The following BICC1 variants were observed in gnomAD, a reference collection of about 807,000 sequenced individuals.
The protein encoded by BICC1 is protein bicaudal C homolog 1.
Under a neutral mutation model 111.0 loss-of-function variants are expected in BICC1, and 43 were observed. The observed-to-expected ratio is 0.39, with a 90% CI of 0.30 to 0.50. The LOEUF (loss-of-function observed/expected upper bound fraction) is 0.50. Among genes scored for constraint, BICC1 ranks in the 20% least tolerant of loss-of-function variants. The pLI, the probability that BICC1 is intolerant of heterozygous loss-of-function variation, is 0.88. For synonymous variants in BICC1, 467 were observed against 434.4 expected (o/e 1.07, Z -0.93); for missense variants, 1,091 against 1,203.2 (o/e 0.91, Z 1.38).
chr10:58,816,745 CTGTGTGTGTGTGTGTGTGTGTGTGTG>C (rs56310772), intron 18 of BICC1, among the ~76,000 whole-genome samples: 5 of 122,162 alleles, frequency 4.1e-5, no homozygotes, highest in Admixed American at 1.6e-4. Context: ...ATCTCCAAGG[CTGTGTGTGTGTGTGTGTGTGTGTGTG>C]TGTGTGTGTG....
At chr10:58,828,243 C>A (rs1844456887) in intron 20 of BICC1, among the ~76,000 whole-genome samples, 1 of 152,138 alleles carries the variant, frequency 6.6e-6, no homozygotes, top group Non-Finnish European at 1.5e-5. Flanking sequence ...CCTCCAATAT[C>A]CCTGTGCTTA....
intron 1 of BICC1, among the ~76,000 whole-genome samples, chr10:58,519,384 C>G (rs889698378): frequency 9.2e-5 from 14 of 152,154 alleles, no homozygotes; most frequent in Non-Finnish European, 5.9e-5. Flanking sequence ...TCCAGCCTCA[C>G]TAGTGGAAGT....
intron 1 of BICC1, among the ~76,000 whole-genome samples, chr10:58,572,403 C>G (rs190080659): frequency 1.3e-4 from 20 of 152,132 alleles, no homozygotes; most frequent in Non-Finnish European, 1.9e-4. Context: ...CTTTCTATGT[C>G]CTGAATGGTA....
chr10:58,652,622 T>A (rs1838486901), intron 2 of BICC1, among the ~76,000 whole-genome samples: 1 of 152,164 alleles, frequency 6.6e-6, no homozygotes, highest in Admixed American at 6.6e-5. Flanking sequence ...CACGGTCAAT[T>A]ATATAATGTC....
At chr10:58,555,976 AT>A (rs969782341) in intron 1 of BICC1, among the ~76,000 whole-genome samples, 195 of 152,000 alleles carry the variant, frequency 1.3e-3, no homozygotes, top group African/African-American at 4.1e-3. Flanking sequence ...TATTCTTAAA[AT>A]TTTTTTTTAT....
chr10:58,607,102 C>T (rs990031410), intron 1 of BICC1, among the ~76,000 whole-genome samples: 16 of 151,900 alleles, frequency 1.1e-4, no homozygotes, highest in Admixed American at 5.3e-4. Flanking sequence ...GGATCAGCTG[C>T]GGTTGGGAGT....
intron 3 of BICC1, among the ~76,000 whole-genome samples, chr10:58,781,549 C>A (rs1324704941): frequency 6.6e-6 from 1 of 152,150 alleles, no homozygotes; most frequent in Non-Finnish European, 1.5e-5. Flanking sequence ...GAGGGAGAAG[C>A]TCTACGCTTA....
intron 2 of BICC1, among the ~76,000 whole-genome samples, chr10:58,636,679 T>G (rs996687972): frequency 6.6e-6 from 1 of 152,214 alleles, no homozygotes; most frequent in Non-Finnish European, 1.5e-5. Context: ...TAAGAGATGT[T>G]AATACTATGA....
intron 1 of BICC1, among the ~76,000 whole-genome samples, chr10:58,612,814 A>G (rs1475824114): frequency 1.3e-5 from 2 of 152,238 alleles, no homozygotes; most frequent in South Asian, 2.1e-4. Flanking sequence ...AGTTGGCTCC[A>G]TAAAGCATCA....
chr10:58,826,492 C>T (rs1231648202), intron 20 of BICC1, among the ~76,000 whole-genome samples: 2 of 148,864 alleles, frequency 1.3e-5, no homozygotes, highest in Non-Finnish European at 3.0e-5. Context: ...TGGCTCATGC[C>T]TGTAATCCCA....
chr10:58,644,551 T>C (rs1475126513), intron 2 of BICC1, among the ~76,000 whole-genome samples: 3 of 152,226 alleles, frequency 2.0e-5, no homozygotes, highest in African/African-American at 7.2e-5. Context: ...ATACGTGCCT[T>C]GTGGCAATTC....
chr10:58,518,858 C>T (rs1348374134), intron 1 of BICC1, among the ~76,000 whole-genome samples: 1 of 152,098 alleles, frequency 6.6e-6, no homozygotes, highest in Admixed American at 6.5e-5. Context: ...TAAAACCTCA[C>T]GCTCACGGGC....
At chr10:58,603,756 A>G (rs965848779) in intron 1 of BICC1, among the ~76,000 whole-genome samples, 5 of 152,156 alleles carry the variant, frequency 3.3e-5, no homozygotes, top group African/African-American at 4.8e-5. Context: ...TGCAGTGAAA[A>G]TGCCAATCTT....
chr10:58,628,534 A>G (rs1307904472), intron 2 of BICC1, among the ~76,000 whole-genome samples: 1 of 152,112 alleles, frequency 6.6e-6, no homozygotes, highest in Non-Finnish European at 1.5e-5. Context: ...TTTTCTTCAG[A>G]CCAAAGATAC....
chr10:58,778,951 T>A (rs1218601809), intron 3 of BICC1, among the ~76,000 whole-genome samples: 1 of 152,230 alleles, frequency 6.6e-6, no homozygotes, highest in Admixed American at 6.5e-5. Context: ...AGGCTTCTAG[T>A]CGTCCTGTTT....
rs1362628388 is a variant in BICC1 at position 58,621,904 on chromosome 10, T to TAGAAC, written c.237+1007_237+1008insCAGAA. Among the ~76,000 whole-genome samples the TAGAAC allele has an allele frequency of 1.0e-3, 17 of 16,812 alleles. 5 individuals carry two copies. The highest frequency in any genetic ancestry group is 4.1e-3 in the African/African-American group (11 of 2,710). 11.0% of individuals were successfully genotyped at this position (16,812 alleles called of 152,430 possible). A position where few individuals can be genotyped will look rare whatever the true frequency, so the allele number is the denominator to read the frequency against. ...CAGAGTGAGACTTTGTCTCTAAAAT[T>TAGAAC]AGAATAGAATAGAATAGAATAGAAT... On this transcript the variant is annotated intron_variant, in intron 2 of 20. Transcript: ENST00000373886.
intron 1 of BICC1, among the ~76,000 whole-genome samples, chr10:58,581,717 T>C (rs960150087): frequency 6.6e-6 from 1 of 152,138 alleles, no homozygotes; most frequent in Admixed American, 6.6e-5. Context: ...TACTGTATTA[T>C]AAATAAGAGG....
chr10:58,518,795 G>C (rs1321665445), intron 1 of BICC1, among the ~76,000 whole-genome samples: 1 of 152,062 alleles, frequency 6.6e-6, no homozygotes, highest in Non-Finnish European at 1.5e-5. Flanking sequence ...GGATTGAGGA[G>C]GTCCTCACTT....
rs775073585 is a variant in BICC1, at chr10:58,796,487, G to A, written c.1327G>A (p.Asp443Asn). The change falls in exon 10 of 21, where the codon GAT (aspartate) becomes AAT (asparagine). Residue 443 changes from aspartate (D) to asparagine (N), a missense_variant. Around this residue, in one of 3 missense-constraint regions of BICC1, gnomAD observed 843 missense variants for 900.8 expected, o/e 0.94. Transcript: ENST00000373886. ...TGCCGGCCTGGCATGTCCCAGCCTG[G>A]ATATCTTAGCTTCAGCAGGCCTTGG... is the stretch of plus-strand genomic sequence containing the variant. ...CPAGLACPSL[D>N]ILASAGLGLT... 1.3e-5 allele frequency: 21 copies of A among 1,613,882 alleles called. No individual in the cohort carries two copies. Among genetic ancestry groups the A allele is most frequent in the Non-Finnish European group, 1.7e-5 (20 of 1,179,964 alleles).
Sources: gnomAD v4.1 joint callset for allele counts (sites outside exome capture counted in the v4.1 genomes callset) on GRCh38, gnomAD v4.1.1 for gene constraint, gnomAD v4.1.1 regional missense constraint, MANE v1.5 for transcripts, NCBI Gene and HGNC (gene_info 2026-07-23, HGNC 2026-07-21) for gene names.